The following PRKN variants were observed in gnomAD, a reference collection of about 807,000 sequenced individuals.
PRKN encodes the protein E3 ubiquitin-protein ligase parkin.
In PRKN, 56 loss-of-function variants were observed where a neutral mutation model predicts 59.5. That is an observed-to-expected ratio of 0.94 (90% CI 0.76 to 1.18). The LOEUF (loss-of-function observed/expected upper bound fraction) is 1.18, where lower values mean the gene tolerates loss of function less well. Among genes scored for constraint, PRKN ranks in the 50% most tolerant of loss-of-function variants. The pLI is 0.00. For synonymous variants in PRKN, 250 were observed against 222.1 expected, an observed-to-expected ratio of 1.13 and a Z score of -1.12; for missense variants, 657 against 596.4, an observed-to-expected ratio of 1.10 and a Z score of -1.06.
chr6:162,557,814 G>A (rs1254084688), intron 1 of PRKN, among the ~76,000 whole-genome samples: 1 of 151,982 alleles, frequency 6.6e-6, no homozygotes, highest in Non-Finnish European at 1.5e-5. Context: ...TCGGCGGATG[G>A]TGCTGTTAAC....
At position 161,448,352 on chromosome 6, in the gene PRKN, T is replaced by C. The variant is rs1367329122; in HGVS notation, c.1084-61475A>G. On this transcript the variant is annotated intron_variant, in intron 9 of 11. Coordinates refer to ENST00000366898, the MANE Select transcript of PRKN (RefSeq NM_004562.3). This position sits in a 1 kb window ranked among gnomAD's most constrained non-coding sequence, Gnocchi z 5.1. The stretch of plus-strand genomic sequence containing the variant: ...ATTATTTTAGATGGACATATACACA[T>C]GCATATACACGTATGTGTACATACA... 6.6e-6 allele frequency among the ~76,000 whole-genome samples: 1 copy of C among 152,200 alleles called. No homozygotes were observed. The highest frequency in any genetic ancestry group is 6.5e-5 in the Admixed American group (1 of 15,286).
chr6:162,288,366 C>G (rs978177365), intron 2 of PRKN, among the ~76,000 whole-genome samples: 2 of 152,084 alleles, frequency 1.3e-5, no homozygotes, highest in Non-Finnish European at 2.9e-5. Flanking sequence ...GAATGCCACC[C>G]GTGTGATTAG....
chr6:161,573,719 C>CAAAA (rs1207463759), intron 7 of PRKN, among the ~76,000 whole-genome samples: 2 of 18,768 alleles, frequency 1.1e-4, no homozygotes, highest in African/African-American at 1.7e-4. Flanking sequence ...GACTCCGTCT[C>CAAAA]AAAAAAAAAA....
chr6:162,019,024 A>G (rs1783032936), intron 5 of PRKN, among the ~76,000 whole-genome samples: 1 of 152,198 alleles, frequency 6.6e-6, no homozygotes, highest in African/African-American at 2.4e-5. Flanking sequence ...GCTTCCTTCT[A>G]GAACTTTGGT....
intron 2 of PRKN, among the ~76,000 whole-genome samples, chr6:162,397,297 T>A (rs913091030): frequency 2.0e-5 from 3 of 152,214 alleles, no homozygotes; most frequent in African/African-American, 7.2e-5. Flanking sequence ...ATCAACAGAT[T>A]TGAGATGTCT....
At chr6:161,901,465 C>T (rs1373067224) in intron 6 of PRKN, among the ~76,000 whole-genome samples, 1 of 152,066 alleles carries the variant, frequency 6.6e-6, no homozygotes. Flanking sequence ...TTCCTCATGT[C>T]CAAATACTCA....
At chr6:162,357,975 G>A (rs377762351) in intron 2 of PRKN, among the ~76,000 whole-genome samples, 26 of 152,202 alleles carry the variant, frequency 1.7e-4, no homozygotes, top group Admixed American at 3.3e-4. Context: ...TCTGCATGAC[G>A]TTATAACGGT....
At chr6:162,300,984 T>C (rs1781917250) in intron 2 of PRKN, among the ~76,000 whole-genome samples, 1 of 151,696 alleles carries the variant, frequency 6.6e-6, no homozygotes, top group Non-Finnish European at 1.5e-5. Flanking sequence ...GATTTTTTTT[T>C]AATGGATGCA....
At chr6:161,589,711 C>G (rs1781646560) in intron 7 of PRKN, among the ~76,000 whole-genome samples, 1 of 151,194 alleles carries the variant, frequency 6.6e-6, no homozygotes, top group South Asian at 2.1e-4. Context: ...TCAGTATCAT[C>G]TTTACCTGTG....
At position 161,388,785 on chromosome 6, in the gene PRKN, G is replaced by A. The variant is rs1786377405; in HGVS notation, c.1084-1908C>T. ...ACAGCCCATGGGAGCCCCACATGGAGAAGAGCTGCGGCCTCAGCCGCAACA... is the reference window on the plus strand; with the variant it reads ...ACAGCCCATGGGAGCCCCACATGGAAAAGAGCTGCGGCCTCAGCCGCAACA... On this transcript the variant is annotated intron_variant, in intron 9 of 11. Transcript: ENST00000366898. The surrounding 1 kb of genome is among the most constrained non-coding windows in gnomAD (Gnocchi z 4.3). Among the ~76,000 whole-genome samples, 1 of 152,234 alleles carries A rather than the reference G, an allele frequency of 6.6e-6. No individual in the cohort carries two copies. Among genetic ancestry groups the A allele is most frequent in the Non-Finnish European group, 1.5e-5 (1 of 68,044 alleles).
chr6:161,877,763 C>T (rs939846817), intron 6 of PRKN, among the ~76,000 whole-genome samples: 7 of 152,044 alleles, frequency 4.6e-5, no homozygotes, highest in South Asian at 2.1e-4. Context: ...CCACCACGCC[C>T]GGCCCATATT....
At chr6:161,963,227 C>T (rs147929096) in intron 6 of PRKN, among the ~76,000 whole-genome samples, 19 of 152,316 alleles carry the variant, frequency 1.2e-4, no homozygotes, top group Non-Finnish European at 2.1e-4. Context: ...CAGACAGTTA[C>T]AACACGCAAG....
chr6:162,394,328 C>T lies in PRKN; in HGVS notation c.171+48982G>A, dbSNP rs186097347. Among the ~76,000 whole-genome samples, 954 of 152,238 alleles carry T rather than the reference C, an allele frequency of 6.3e-3. 14 individuals are homozygous for T. The highest frequency in any genetic ancestry group is 8.6e-3 in the Admixed American group (132 of 15,302). On this transcript the variant is annotated intron_variant, in intron 2 of 11. Transcript: ENST00000366898. ...GAGAGGTCCTGGCCTAAAATGAACA[C>T]GTACTTCCACGAGCTTCGGGTGTGA... is the stretch of plus-strand genomic sequence containing the variant.
chr6:162,629,733 G>T (rs914323098), intron 1 of PRKN, among the ~76,000 whole-genome samples: 1 of 152,086 alleles, frequency 6.6e-6, no homozygotes, highest in Non-Finnish European at 1.5e-5. Context: ...TTAAAAAAAT[G>T]ATGTATTTCA....
At chr6:162,136,489 C>T (rs2128309412) in intron 4 of PRKN, among the ~76,000 whole-genome samples, 1 of 152,314 alleles carries the variant, frequency 6.6e-6, no homozygotes, top group Non-Finnish European at 1.5e-5. Flanking sequence ...TGTTGGCTTC[C>T]AAGCCATCAG....
intron 2 of PRKN, among the ~76,000 whole-genome samples, chr6:162,418,729 T>C (rs571961373): frequency 4.6e-5 from 7 of 150,802 alleles, no homozygotes; most frequent in African/African-American, 1.5e-4. Context: ...CAGTGGCTGA[T>C]GGTGTGCACG....
rs184214120 is a variant in PRKN at position 162,345,565 on chromosome 6, G to T, written c.172-82800C>A. ...TTTTGTCAAGTTATTCACAAAGGCC[G>T]TATAAATCTTTTGTTAGATTATTCC... On this transcript the variant is annotated intron_variant, in intron 2 of 11. Transcript: ENST00000366898. Among the ~76,000 whole-genome samples, 5 of 152,258 alleles carry T rather than the reference G, an allele frequency of 3.3e-5. 1 individual carries two copies. The East Asian group carries it at 7.7e-4, about 24-fold the overall frequency.
chr6:161,617,942 T>G (rs973929216), intron 7 of PRKN, among the ~76,000 whole-genome samples: 1 of 152,164 alleles, frequency 6.6e-6, no homozygotes, highest in Non-Finnish European at 1.5e-5. Context: ...AAAAAGACTG[T>G]GAGAAAGTAA....
At chr6:162,487,997 A>C (rs1364705964) in intron 1 of PRKN, among the ~76,000 whole-genome samples, 3 of 151,184 alleles carry the variant, frequency 2.0e-5, no homozygotes. Context: ...CCTCCCAGAC[A>C]TAAGAACAGA....
Sources: gnomAD v4.1 joint callset for allele counts (sites outside exome capture counted in the v4.1 genomes callset) on GRCh38, gnomAD v4.1.1 for gene constraint, Gnocchi (gnomAD v3.1) non-coding constraint, MANE v1.5 for transcripts, NCBI Gene and HGNC (gene_info 2026-07-23, HGNC 2026-07-21) for gene names.